Variants in ZW10 observed in about 807,000 individuals in gnomAD.
ZW10 encodes the protein zw10 kinetochore protein, also known as centromere/kinetochore protein zw10 homolog.
In ZW10, 53 loss-of-function variants were observed where a neutral mutation model predicts 87.8. The observed-to-expected ratio is 0.60, with a 90% CI of 0.48 to 0.76. The LOEUF (loss-of-function observed/expected upper bound fraction) is 0.76. Among genes scored for constraint, ZW10 ranks in the 30% least tolerant of loss-of-function variants. The pLI, the probability that ZW10 is intolerant of heterozygous loss-of-function variation, is 0.00. For synonymous variants in ZW10, 312 were observed against 329.2 expected (o/e 0.95, Z 0.57); for missense variants, 837 against 923.0 (o/e 0.91, Z 1.21).
chr11:113,740,455 G>C (rs1953603045), intron 11 of ZW10, among the ~76,000 whole-genome samples: 2 of 152,030 alleles, frequency 1.3e-5, no homozygotes, highest in Non-Finnish European at 2.9e-5. Context: ...GTGGTGGTGT[G>C]TGCCTGTGGT....
chr11:113,773,045 G>C (rs1280746885), intron 1 of ZW10, among the ~76,000 whole-genome samples: 2 of 151,418 alleles, frequency 1.3e-5, no homozygotes, highest in Non-Finnish European at 2.9e-5. Context: ...TTTAATGTCG[G>C]GGAGGAGAAA....
chr11:113,756,753 C>A (rs1591418356), intron 7 of ZW10, among the ~76,000 whole-genome samples: 2 of 152,276 alleles, frequency 1.3e-5, no homozygotes, highest in East Asian at 3.9e-4. Flanking sequence ...ACCAAATCAT[C>A]TCTCCAATTC....
chr11:113,766,388 A>G (rs1164097333), intron 2 of ZW10, among the ~76,000 whole-genome samples: 1 of 151,774 alleles, frequency 6.6e-6, no homozygotes, highest in Non-Finnish European at 1.5e-5. Context: ...AAGAATTTTT[A>G]GGCTGGGCGC....
chr11:113,741,698 G>A lies in ZW10; in HGVS notation c.1579C>T (p.His527Tyr). 2 of 1,593,826 alleles carry A rather than the reference G, an allele frequency of 1.3e-6. No individual in the cohort carries two copies. The highest frequency in any genetic ancestry group is 1.3e-5 in the African/African-American group (1 of 74,388). The change falls in exon 11 of 16, where the codon CAC becomes TAC. Residue 527 changes from histidine (H) to tyrosine (Y), a missense_variant. Transcript: ENST00000200135. ...ATGAGATACAGTGGTACTTACTTGT[G>A]ATATGTTGGTACAACATCATGGAAC... ...HLFHDVVPTY[H>Y]KENLQKLPQL...
intron 7 of ZW10, among the ~76,000 whole-genome samples, chr11:113,753,070 T>C (rs1953750178): frequency 6.6e-6 from 1 of 152,200 alleles, no homozygotes; most frequent in East Asian, 1.9e-4. Context: ...TGCAGGTTTG[T>C]TATATAGGTA....
chr11:113,733,830 T>C lies in ZW10; in HGVS notation c.2220-16A>G, dbSNP rs1016630642. On this transcript the variant is annotated splice_polypyrimidine_tract_variant and intron_variant, in intron 15 of 15. Coordinates refer to ENST00000200135, the MANE Select transcript of ZW10 (RefSeq NM_004724.4). ...ATCTGCCCACCTGCAAAACGAAAGA[T>C]AGAGTTCCATTTCCTATTAGGTCTC... 5.0e-6 allele frequency: 8 copies of C among 1,586,878 alleles called. No individual in the cohort carries two copies. The highest frequency in any genetic ancestry group is 6.0e-6 in the Non-Finnish European group (7 of 1,166,920).
chr11:113,755,816 T>C (rs1023364110), intron 7 of ZW10, among the ~76,000 whole-genome samples: 11 of 152,188 alleles, frequency 7.2e-5, no homozygotes, highest in Non-Finnish European at 1.5e-4. Flanking sequence ...GCCATCAACA[T>C]TGAGGCAAGA....
intron 12 of ZW10, 89 bp from the exon 13 acceptor site, chr11:113,738,483 T>C: frequency 2.4e-6 from 3 of 1,243,918 alleles, no homozygotes; most frequent in Non-Finnish European, 3.3e-6. Context: ...ATAAACCATG[T>C]ATCTGTTCTG....
rs574725371 is a variant in ZW10 at position 113,760,317 on chromosome 11, T to C, written c.472A>G (p.Ile158Val). 1.2e-6 allele frequency: 2 copies of C among 1,614,086 alleles called. No individual in the cohort carries two copies. The highest frequency in any genetic ancestry group is 1.7e-6 in the Non-Finnish European group (2 of 1,180,008). ...LKSRKCFDLK[I>V]LKSLSMELTI... Reference sequence around the variant, plus strand: ...AGCTCCATGCTGAGAGATTTCAATATTTTTAAATCAAAGCATTTTCTGGAT... The same window carrying C: ...AGCTCCATGCTGAGAGATTTCAATACTTTTAAATCAAAGCATTTTCTGGAT... Residue 158 changes from isoleucine (I) to valine (V), a missense_variant, in exon 5 of 16, where the codon ATA (isoleucine) becomes GTA (valine). By Grantham distance (29) the Ile-to-Val change is conservative. Transcript: ENST00000200135.
At chr11:113,760,146 T>C in intron 5 of ZW10, 63 bp downstream of exon 5, 2 of 1,546,130 alleles carry the variant, frequency 1.3e-6, no homozygotes, top group East Asian at 2.3e-5. Context: ...ATGTAGAATA[T>C]ATTCAGACAC....
At chr11:113,770,774 C>T (rs1044976507) in intron 1 of ZW10, among the ~76,000 whole-genome samples, 3 of 150,032 alleles carry the variant, frequency 2.0e-5, no homozygotes, top group Non-Finnish European at 4.4e-5. Flanking sequence ...GCCAATAACT[C>T]GCCACTGCAT....
At chr11:113,759,407 G>A (rs1953833710) in intron 5 of ZW10, among the ~76,000 whole-genome samples, 1 of 152,064 alleles carries the variant, frequency 6.6e-6, no homozygotes, top group Non-Finnish European at 1.5e-5. Context: ...GCACATATGT[G>A]TCTATGTACA....
At chr11:113,762,526 C>CTT (rs760102411) in intron 2 of ZW10, among the ~76,000 whole-genome samples, 3 of 146,718 alleles carry the variant, frequency 2.0e-5, no homozygotes, top group Admixed American at 6.8e-5. Flanking sequence ...AACTTATTAA[C>CTT]TTTTTTTTTT....
chr11:113,762,407 A>G (rs78361470), intron 2 of ZW10, among the ~76,000 whole-genome samples: 11,848 of 152,268 alleles, frequency 0.078, 570 homozygotes, highest in African/African-American at 0.13. Context: ...TGTACTCTAC[A>G]GCAGACTTTA....
chr11:113,766,889 C>T (rs879328492), intron 2 of ZW10, among the ~76,000 whole-genome samples: 11 of 150,406 alleles, frequency 7.3e-5, no homozygotes, highest in African/African-American at 1.5e-4. Flanking sequence ...TGGTGGCACA[C>T]GCCTGTAATC....
At chr11:113,769,874 A>G in intron 1 of ZW10, 2 of 330,462 alleles carry the variant, frequency 6.1e-6, no homozygotes, top group South Asian at 2.7e-5. Flanking sequence ...AAAGCTGATG[A>G]TGTGCCCATC....
intron 2 of ZW10, among the ~76,000 whole-genome samples, chr11:113,765,427 G>A (rs950159156): frequency 6.6e-6 from 1 of 152,204 alleles, no homozygotes; most frequent in Non-Finnish European, 1.5e-5. Flanking sequence ...GTAAACAGAA[G>A]TAATGTGTAC....
chr11:113,741,056 GC>G (rs1953611346), intron 11 of ZW10, among the ~76,000 whole-genome samples: 1 of 151,304 alleles, frequency 6.6e-6, no homozygotes, highest in African/African-American at 2.4e-5. Context: ...CAACAGGTGA[GC>G]CTAGTTAAAA....
At chr11:113,751,897 T>C (rs952454461) in intron 7 of ZW10, among the ~76,000 whole-genome samples, 7 of 152,050 alleles carry the variant, frequency 4.6e-5, no homozygotes, top group Non-Finnish European at 7.4e-5. Context: ...AGACTAATGA[T>C]TCCCTTATTG....
Sources: allele counts gnomAD v4.1 joint callset (sites outside exome capture counted in the v4.1 genomes callset), GRCh38; gene constraint gnomAD v4.1.1; transcripts MANE v1.5; gene names NCBI Gene and HGNC (gene_info 2026-07-23, HGNC 2026-07-21).